The following PLCB4 variants were observed in gnomAD, a reference collection of about 807,000 sequenced individuals.
PLCB4 encodes 1-phosphatidylinositol 4,5-bisphosphate phosphodiesterase beta-4.
PLCB4 carries 77 observed loss-of-function variants against 178.8 expected under a neutral mutation model. The observed-to-expected ratio is 0.43, with a 90% confidence interval of 0.36 to 0.52. PLCB4 has a LOEUF of 0.52. Ranked by LOEUF, PLCB4 falls within the 20% of genes least tolerant of loss-of-function variation. PLCB4 has a pLI of 0.00. For synonymous variants in PLCB4, 496 were observed against 490.8 expected (o/e 1.01, Z -0.14); for missense variants, 1,024 against 1,453.4 (o/e 0.70, Z 4.80).
rs145590967 is a variant in PLCB4 at position 9,240,597 on chromosome 20, C to T, written c.-16+23145C>T. Among the ~76,000 whole-genome samples, 784 of 152,242 alleles carry T rather than the reference C, an allele frequency of 5.1e-3. 3 individuals carry two copies. Among genetic ancestry groups the T allele is most frequent in the African/African-American group, 0.017 (722 of 41,538 alleles). On this transcript the variant is annotated intron_variant, in intron 3 of 39. Transcript: ENST00000378473. Reference sequence around the variant, plus strand: ...CTTGATTTTTTCCTGCTATTCCCTGCGCCAGCTCCAAGCCATGCCCACTTC... The same window carrying T: ...CTTGATTTTTTCCTGCTATTCCCTGTGCCAGCTCCAAGCCATGCCCACTTC...
intron 3 of PLCB4, among the ~76,000 whole-genome samples, chr20:9,291,513 G>A (rs2094579699): frequency 6.6e-6 from 1 of 151,998 alleles, no homozygotes; most frequent in African/African-American, 2.4e-5. Flanking sequence ...GTATTTTTGT[G>A]CATAAAAAAG....
At chr20:9,362,833 A>G (rs1411688813) in intron 7 of PLCB4, 63 bp from the exon 8 acceptor site, 1 of 997,500 alleles carries the variant, frequency 1.0e-6, no homozygotes, top group African/African-American at 1.6e-5. Flanking sequence ...CTATCTAATA[A>G]AAACTGCTCT....
chr20:9,226,281 C>T (rs900731435), intron 3 of PLCB4, among the ~76,000 whole-genome samples: 3 of 152,126 alleles, frequency 2.0e-5, no homozygotes, highest in African/African-American at 7.2e-5. Flanking sequence ...TTATACTCCT[C>T]ATGTAATAAT....
At chr20:9,475,046 G>A (rs979310771) in intron 38 of PLCB4, among the ~76,000 whole-genome samples, 5 of 152,232 alleles carry the variant, frequency 3.3e-5, no homozygotes, top group African/African-American at 1.2e-4. Context: ...CAAAGCTTTA[G>A]AAGCCACTTC....
At chr20:9,337,938 A>G in intron 5 of PLCB4, 70 bp from the exon 6 acceptor site, 1 of 1,229,830 alleles carries the variant, frequency 8.1e-7, no homozygotes, top group South Asian at 1.2e-5. Flanking sequence ...AATTTTTGCC[A>G]AGCAGTTTGC....
rs769628056 is a variant in PLCB4 at position 9,203,056 on chromosome 20, A to AAAAAATATAT, written c.-78-14333_-78-14332insAAAATATATA. 3.7e-3 allele frequency among the ~76,000 whole-genome samples: 465 copies of AAAAAATATAT among 126,070 alleles called. 3 individuals are homozygous for AAAAAATATAT. Among genetic ancestry groups the AAAAAATATAT allele is most frequent in the African/African-American group, 0.014 (428 of 30,142 alleles). 82.7% of individuals were successfully genotyped at this position (126,070 alleles called of 152,430 possible). A position where few individuals can be genotyped will look rare whatever the true frequency, so the allele number is the denominator to read the frequency against. On this transcript the variant is annotated intron_variant, in intron 2 of 39. Transcript: ENST00000378473. ...TGTCTTTGGTAAAAAAAAAAAAAAA[A>AAAAAATATAT]ATATATATATATATATATATATATG...
At chr20:9,346,160 G>A (rs2033775028) in intron 7 of PLCB4, among the ~76,000 whole-genome samples, 1 of 152,148 alleles carries the variant, frequency 6.6e-6, no homozygotes, top group Admixed American at 6.6e-5. Flanking sequence ...TAATTATACT[G>A]TATAGGCCAG....
chr20:9,190,725 C>G (rs2093391564), intron 2 of PLCB4, among the ~76,000 whole-genome samples: 1 of 152,154 alleles, frequency 6.6e-6, no homozygotes. Flanking sequence ...GGAGCAGGTT[C>G]CTGGGGACAT....
At chr20:9,095,306 A>G (rs1171662500) in intron 1 of PLCB4, among the ~76,000 whole-genome samples, 2 of 152,194 alleles carry the variant, frequency 1.3e-5, no homozygotes, top group Non-Finnish European at 2.9e-5. Flanking sequence ...CCTTGAATTT[A>G]TGCATTGGCG....
chr20:9,442,790 A>G (rs1319909656), intron 30 of PLCB4, among the ~76,000 whole-genome samples: 1 of 152,154 alleles, frequency 6.6e-6, no homozygotes, highest in Non-Finnish European at 1.5e-5. Flanking sequence ...TTATACCCCG[A>G]TCATAAAATG....
At chr20:9,154,956 C>CTTCT (rs2146950379) in intron 2 of PLCB4, among the ~76,000 whole-genome samples, 1 of 136,520 alleles carries the variant, frequency 7.3e-6, no homozygotes, top group East Asian at 2.2e-4. Context: ...TCCTTCCTTC[C>CTTCT]TTCCTTCCTT....
intron 3 of PLCB4, among the ~76,000 whole-genome samples, chr20:9,224,182 A>T (rs1230207777): frequency 2.0e-5 from 3 of 152,168 alleles, no homozygotes; most frequent in Admixed American, 2.0e-4. Context: ...GGGCAATATC[A>T]TCTGCCTCAG....
At chr20:9,195,769 C>T (rs1011656803) in intron 2 of PLCB4, among the ~76,000 whole-genome samples, 4 of 152,112 alleles carry the variant, frequency 2.6e-5, no homozygotes, top group Non-Finnish European at 2.9e-5. Flanking sequence ...ACTGCATGAG[C>T]CAATTCTTAG....
At chr20:9,154,807 TTTTCCTTTCC>T (rs1164018666) in intron 2 of PLCB4, among the ~76,000 whole-genome samples, 2 of 144,360 alleles carry the variant, frequency 1.4e-5, no homozygotes, top group Non-Finnish European at 3.0e-5. Context: ...CTTTCCTTTC[TTTTCCTTTCC>T]TTTCCTTTCC....
chr20:9,090,384 A>G (rs1156609028), intron 1 of PLCB4, among the ~76,000 whole-genome samples: 4 of 152,016 alleles, frequency 2.6e-5, no homozygotes, highest in Non-Finnish European at 1.5e-5. Flanking sequence ...TTTCAAATGT[A>G]TGTGTATGGG....
intron 12 of PLCB4, among the ~76,000 whole-genome samples, chr20:9,373,566 T>A (rs1013785764): frequency 6.6e-6 from 1 of 152,332 alleles, no homozygotes; most frequent in South Asian, 2.1e-4. Flanking sequence ...GGATTGCATG[T>A]AAGAAAAATA....
chr20:9,107,801 AC>A (rs1888125043), intron 2 of PLCB4, among the ~76,000 whole-genome samples: 1 of 152,162 alleles, frequency 6.6e-6, no homozygotes, highest in South Asian at 2.1e-4. Flanking sequence ...TTCAGAGTAC[AC>A]TGTGAGGGAG....
chr20:9,163,035 G>C (rs2092914236), intron 2 of PLCB4, among the ~76,000 whole-genome samples: 1 of 152,130 alleles, frequency 6.6e-6, no homozygotes, highest in African/African-American at 2.4e-5. Flanking sequence ...CTGGGGATGG[G>C]AATAGATGCA....
intron 2 of PLCB4, among the ~76,000 whole-genome samples, chr20:9,105,055 G>A (rs1041025006): frequency 2.0e-5 from 3 of 152,062 alleles, no homozygotes; most frequent in South Asian, 2.1e-4. Flanking sequence ...AAAAAAATGA[G>A]TGAATGAAGA....
Sources: gnomAD v4.1 joint callset for allele counts (sites outside exome capture counted in the v4.1 genomes callset) on GRCh38, gnomAD v4.1.1 for gene constraint, MANE v1.5 for transcripts, NCBI Gene and HGNC (gene_info 2026-07-23, HGNC 2026-07-21) for gene names.